NOSTRIN: variants seen among roughly 807,000 people sequenced by gnomAD.
NOSTRIN encodes BM247 homolog.
A neutral mutation model predicts 59.0 loss-of-function variants in NOSTRIN; 63 were observed. The observed-to-expected ratio is 1.07, with a 90% CI of 0.87 to 1.32. NOSTRIN has a LOEUF of 1.32. Ranked by LOEUF, NOSTRIN falls within the 40% of genes most tolerant of loss-of-function variation. NOSTRIN has a pLI of 0.00. For synonymous variants in NOSTRIN, 200 were observed against 165.4 expected (o/e 1.21, Z -1.61); for missense variants, 512 against 473.1 (o/e 1.08, Z -0.76).
At chr2:168,794,012 A>ATATCTTCATAATCTGTC (rs1355616167), upstream of NOSTRIN, among the ~76,000 whole-genome samples, 2 of 152,178 alleles carry the variant, frequency 1.3e-5, no homozygotes, top group Non-Finnish European at 2.9e-5. Flanking sequence ...CTTCTATATC[A>ATATCTTCATAATCTGTC]TATCTTCATA....
At chr2:168,835,190 C>G (rs976952824) in intron 7 of NOSTRIN, among the ~76,000 whole-genome samples, 29 of 151,992 alleles carry the variant, frequency 1.9e-4, no homozygotes, top group African/African-American at 6.8e-4. Flanking sequence ...TTATCCCACC[C>G]CAGCCTCCCA....
chr2:168,852,051 T>A (rs990897649), intron 10 of NOSTRIN, among the ~76,000 whole-genome samples: 2 of 152,132 alleles, frequency 1.3e-5, no homozygotes, highest in African/African-American at 4.8e-5. Context: ...CCCCGCAAAA[T>A]GAGTGATCAA....
intron 10 of NOSTRIN, 77 bp downstream of exon 10, chr2:168,851,481 A>C: frequency 6.6e-7 from 1 of 1,518,408 alleles, no homozygotes. Flanking sequence ...GAAAAAATTG[A>C]AAGCAAATAT....
intron 8 of NOSTRIN, among the ~76,000 whole-genome samples, chr2:168,846,035 C>T (rs371677313): frequency 7.9e-5 from 12 of 152,230 alleles, no homozygotes; most frequent in Admixed American, 3.3e-4. Context: ...CAACGTGAGA[C>T]GACTTCTGTC....
intron 7 of NOSTRIN, among the ~76,000 whole-genome samples, chr2:168,837,977 G>A (rs1317371993): frequency 6.6e-6 from 1 of 151,948 alleles, no homozygotes; most frequent in Non-Finnish European, 1.5e-5. Flanking sequence ...TTTCTCTTCT[G>A]GGCCTCACTC....
intron 1 of NOSTRIN, among the ~76,000 whole-genome samples, chr2:168,807,017 C>A (rs568206489): frequency 6.6e-6 from 1 of 152,246 alleles, no homozygotes; most frequent in Admixed American, 6.5e-5. Flanking sequence ...GATTTTCATA[C>A]CTAACATTTC....
At chr2:168,822,113 C>T (rs558125775) in intron 2 of NOSTRIN, among the ~76,000 whole-genome samples, 1 of 152,174 alleles carries the variant, frequency 6.6e-6, no homozygotes, top group Non-Finnish European at 1.5e-5. Context: ...CTCTTTTTCT[C>T]TCCTCTCCAT....
At chr2:168,861,225 C>T (rs1171358865) in intron 14 of NOSTRIN, among the ~76,000 whole-genome samples, 1 of 152,180 alleles carries the variant, frequency 6.6e-6, no homozygotes, top group African/African-American at 2.4e-5. Context: ...CTTTGTCGCT[C>T]TGTCTCCATA....
At position 168,815,327 on chromosome 2, in the gene NOSTRIN, T is replaced by G. The variant is rs148964342; in HGVS notation, c.113+3675T>G. On this transcript the variant is annotated intron_variant, in intron 2 of 15. Coordinates refer to ENST00000317647, the MANE Select transcript of NOSTRIN (RefSeq NM_001039724.4). Reference sequence around the variant, plus strand: ...CAGAGAAACATAGCAGCTCCTAGAATGCCTAATGCCAAAGTTATCAGATTC... The same window carrying G: ...CAGAGAAACATAGCAGCTCCTAGAAGGCCTAATGCCAAAGTTATCAGATTC... 4.9e-3 allele frequency among the ~76,000 whole-genome samples: 741 copies of G among 152,356 alleles called. 7 individuals carry two copies. Among genetic ancestry groups the G allele is most frequent in the Middle Eastern group, 0.041 (12 of 294 alleles).
intron 8 of NOSTRIN, among the ~76,000 whole-genome samples, chr2:168,849,608 G>A (rs1399225433): frequency 4.8e-5 from 7 of 147,198 alleles, no homozygotes; most frequent in Non-Finnish European, 7.4e-5. Flanking sequence ...CACCCGTCTC[G>A]GCCTCCCAAA....
At position 168,850,752 on chromosome 2, in the gene NOSTRIN, A is replaced by AAATTCTCTGG. The variant is rs5836209; in HGVS notation, c.631-318_631-309dup. On this transcript the variant is annotated intron_variant, in intron 8 of 15. Transcript: ENST00000317647. ...ACATGGTGAAACCCCATCTCTACTG[A>AAATTCTCTGG]AATTCTCTGGAATTCTCTGGAATCC... 43 of 710,752 alleles carry AAATTCTCTGG rather than the reference A, an allele frequency of 6.0e-5. No individual in the cohort carries two copies. In the African/African-American group the frequency reaches 6.3e-4, roughly 10 times the overall value. 44.0% of individuals were successfully genotyped at this position (710,752 alleles called of 1,614,324 possible). A position where few individuals can be genotyped will look rare whatever the true frequency, so the allele number is the denominator to read the frequency against.
upstream of NOSTRIN, among the ~76,000 whole-genome samples, chr2:168,800,711 G>A (rs1685588374): frequency 2.0e-5 from 3 of 152,108 alleles, no homozygotes; most frequent in African/African-American, 7.2e-5. Context: ...TTTGGACTCA[G>A]TTGGGACTGA....
intron 2 of NOSTRIN, among the ~76,000 whole-genome samples, chr2:168,789,327 CA>C: frequency 6.6e-6 from 1 of 152,324 alleles, no homozygotes; most frequent in South Asian, 2.1e-4. Context: ...TTAATAGGCT[CA>C]CAGTTCCACA....
chr2:168,863,922 T>TTA (rs1248617722), intron 15 of NOSTRIN, among the ~76,000 whole-genome samples: 1 of 152,082 alleles, frequency 6.6e-6, no homozygotes, highest in African/African-American at 2.4e-5. Context: ...TTTTTATTTT[T>TTA]TTTTTTGAGG....
chr2:168,852,513 A>G (rs921873151), intron 10 of NOSTRIN, among the ~76,000 whole-genome samples: 1 of 152,184 alleles, frequency 6.6e-6, no homozygotes, highest in African/African-American at 2.4e-5. Context: ...CTGCAGAAAG[A>G]ATTCTGATAG....
intron 9 of NOSTRIN, 23 bp from the exon 10 acceptor site, chr2:168,851,256 T>C (rs1688752784): frequency 1.2e-6 from 2 of 1,613,856 alleles, no homozygotes; most frequent in Non-Finnish European, 1.7e-6. Context: ...GACAACCTTA[T>C]TCTGTTCCCC....
Position 168,860,921 on chromosome 2 carries a change from C to T in NOSTRIN, c.1294+12C>T. On this transcript the variant is annotated intron_variant, in intron 14 of 15. Coordinates refer to ENST00000317647, the MANE Select transcript of NOSTRIN (RefSeq NM_001039724.4). ...TTCTTCAACTCCAGGTAATCCCATGCCCACAATCATTTTGGCCTGGGTCCT... is the reference window on the plus strand; with the variant it reads ...TTCTTCAACTCCAGGTAATCCCATGTCCACAATCATTTTGGCCTGGGTCCT... The T allele has an allele frequency of 6.4e-7, 1 of 1,574,800 alleles. No homozygotes were observed. Among genetic ancestry groups the T allele is most frequent in the Non-Finnish European group, 8.7e-7 (1 of 1,144,694 alleles).
intron 2 of NOSTRIN, among the ~76,000 whole-genome samples, chr2:168,820,987 T>C (rs991317578): frequency 6.6e-6 from 1 of 152,238 alleles, no homozygotes; most frequent in Non-Finnish European, 1.5e-5. Flanking sequence ...AGGATTGTTC[T>C]GGAGCCAACG....
At chr2:168,831,793 A>G (rs1003232075) in intron 6 of NOSTRIN, among the ~76,000 whole-genome samples, 5 of 152,166 alleles carry the variant, frequency 3.3e-5, no homozygotes, top group African/African-American at 7.2e-5. Context: ...CAACAACCCA[A>G]TGTCATATGT....
Sources: allele counts gnomAD v4.1 joint callset (sites outside exome capture counted in the v4.1 genomes callset), GRCh38; gene constraint gnomAD v4.1.1; transcripts MANE v1.5; gene names NCBI Gene and HGNC (gene_info 2026-07-23, HGNC 2026-07-21).